Variants in ANKRD53 observed in about 807,000 individuals in gnomAD.
ANKRD53 encodes the protein ankyrin repeat domain 53.
Under a neutral mutation model 30.1 loss-of-function variants are expected in ANKRD53, and 27 were observed. The observed-to-expected ratio is 0.90, with a 90% CI of 0.66 to 1.24. The LOEUF (loss-of-function observed/expected upper bound fraction) is 1.24. ANKRD53 is among the 50% of genes most tolerant of loss of function. ANKRD53 has a pLI of 0.00. For synonymous variants in ANKRD53, 286 were observed against 295.4 expected (o/e 0.97, Z 0.33); for missense variants, 682 against 721.0 (o/e 0.95, Z 0.62).
chr2:70,980,477 G>C (rs1391984916), intron 3 of ANKRD53, among the ~76,000 whole-genome samples: 1 of 151,718 alleles, frequency 6.6e-6, no homozygotes, highest in Non-Finnish European at 1.5e-5. Flanking sequence ...ATTACCTAGG[G>C]AGCTTAAAAA....
Position 70,982,476 on chromosome 2 carries a change from C to A in ANKRD53, c.783-101C>A. The A allele has an allele frequency of 7.9e-6, 12 of 1,523,304 alleles. No homozygotes were observed. Among genetic ancestry groups the A allele is most frequent in the Non-Finnish European group, 1.1e-5 (12 of 1,119,660 alleles). The allele number at this position is 1,523,304 out of a possible 1,614,324, so 94.4% of individuals were successfully genotyped here. Reference sequence around the variant, plus strand: ...CTTGCTCCTCTCCCTCTGGCCACTCCCCTCATCCCCATCCAAGCCCTCAGC... The same window carrying A: ...CTTGCTCCTCTCCCTCTGGCCACTCACCTCATCCCCATCCAAGCCCTCAGC... On this transcript the variant is annotated intron_variant, in intron 4 of 5. Coordinates refer to ENST00000360589, the MANE Select transcript of ANKRD53 (RefSeq NM_001115116.2). The surrounding 1 kb of genome is among the most constrained non-coding windows in gnomAD (Gnocchi z 4.2).
At chr2:70,979,914 C>G in intron 3 of ANKRD53, 54 bp downstream of exon 3, 1 of 1,603,402 alleles carries the variant, frequency 6.2e-7, no homozygotes, top group South Asian at 1.1e-5. Context: ...CGGGCACAGC[C>G]CTACTTCCAG....
chr2:70,984,237 G>T, intron 5 of ANKRD53: 2 of 1,614,194 alleles, frequency 1.2e-6, no homozygotes, highest in Non-Finnish European at 8.5e-7. Context: ...GAGAAGAAGG[G>T]AATTGTCTTT....
upstream of ANKRD53, chr2:70,978,459 C>G (rs1553422725): frequency 1.7e-6 from 1 of 583,298 alleles, no homozygotes; most frequent in Admixed American, 4.3e-5. The surrounding 1 kb of genome is among the most constrained non-coding windows in gnomAD (Gnocchi z 4.3). Context: ...GGGTGGGGAG[C>G]GGCAGGCGGG....
rs112000035 is a variant in ANKRD53 at position 70,984,281 on chromosome 2, CTG to C, written c.904-326_904-325del. The C allele has an allele frequency of 1.0e-3, 1,636 of 1,614,120 alleles. 16 individuals carry two copies. The African/African-American group carries it at 0.02, about 19-fold the overall frequency. ...CTTGAGGTTTTCCCTAGGGCAGGGA[CTG>C]TGTCTCCCATGTCAAGTTGGAGTCT... On this transcript the variant is annotated intron_variant, in intron 5 of 5. Transcript: ENST00000360589.
At chr2:70,980,971 C>T (rs1006733099) in intron 3 of ANKRD53, among the ~76,000 whole-genome samples, 13 of 152,040 alleles carry the variant, frequency 8.6e-5, no homozygotes, top group Non-Finnish European at 1.5e-4. Flanking sequence ...AAAATATAAA[C>T]ACCTGTGTTC....
At position 70,985,444 on chromosome 2, in the gene ANKRD53, A is replaced by C; in HGVS notation, c.*144A>C. ...CGAGGAGTCACCCTTCCCAATCAAA[A>C]GCCCAGACCCCAGGCCTCCCTTTTC... On this transcript the variant is annotated 3_prime_UTR_variant, in exon 6 of 6. Transcript: ENST00000360589. 1 of 716,014 alleles carries C rather than the reference A, an allele frequency of 1.4e-6. No individual in the cohort carries two copies. The allele number at this position is 716,014 out of a possible 1,614,324, so 44.4% of individuals were successfully genotyped here. A position where few individuals can be genotyped will look rare whatever the true frequency, so the allele number is the denominator to read the frequency against.
chr2:70,979,365 C>A (rs1482801501), intron 2 of ANKRD53, 22 bp downstream of exon 2: 1 of 1,612,722 alleles, frequency 6.2e-7, no homozygotes, highest in Admixed American at 1.7e-5. Context: ...AGTGTTGGGG[C>A]AAAGACCGAG....
rs1320754344 is a variant in ANKRD53, at chr2:70,982,790, G to C, written c.903+93G>C. 6.6e-7 allele frequency: 1 copy of C among 1,507,210 alleles called. No individual in the cohort carries two copies. The highest frequency in any genetic ancestry group is 9.0e-7 in the Non-Finnish European group (1 of 1,116,010). 93.4% of individuals were successfully genotyped at this position (1,507,210 alleles called of 1,614,324 possible). On this transcript the variant is annotated intron_variant, in intron 5 of 5. Transcript: ENST00000360589. This position sits in a 1 kb window ranked among gnomAD's most constrained non-coding sequence, Gnocchi z 4.2. ...CCCACATATTGTGGAGGAGTGGCTA[G>C]AAGCACTCCCACCCTGAAAGAGCCA...
intron 5 of ANKRD53, chr2:70,984,209 AGACTGTG>A (rs1553424182): frequency 6.2e-7 from 1 of 1,614,188 alleles, no homozygotes; most frequent in Non-Finnish European, 8.5e-7. Flanking sequence ...CTCTACTATC[AGACTGTG>A]GATTCCTTTG....
chr2:70,979,409 C>T, intron 2 of ANKRD53, 66 bp downstream of exon 2: 1 of 1,599,794 alleles, frequency 6.3e-7, no homozygotes, highest in Non-Finnish European at 8.5e-7. Flanking sequence ...GGAGTGGTCA[C>T]CTGGAGAAGA....
upstream of ANKRD53, chr2:70,978,490 G>A (rs1338869900): frequency 2.3e-6 from 2 of 880,866 alleles, no homozygotes; most frequent in Non-Finnish European, 3.2e-6. The surrounding 1 kb of genome is among the most constrained non-coding windows in gnomAD (Gnocchi z 4.3). Flanking sequence ...GGAGGCCCCC[G>A]GGCTCTGCCC....
chr2:70,979,749 T>C lies in ANKRD53; in HGVS notation c.506T>C (p.Leu169Pro). 1 of 1,614,244 alleles carries C rather than the reference T, an allele frequency of 6.2e-7. No homozygotes were observed. ...LVEEYKFPVDLLTNNSQTPLH... is the reference protein window; with the variant it reads ...LVEEYKFPVDPLTNNSQTPLH... ...GAGGAGTACAAGTTTCCCGTGGACC[T>C]GCTGACCAACAATAGCCAGACACCC... The change falls in exon 3 of 6, where the codon CTG becomes CCG. Residue 169 changes from leucine to proline, a missense_variant. By Grantham distance (98) the Leu-to-Pro change is moderately conservative. Transcript: ENST00000360589.
chr2:70,984,861 T>C lies in ANKRD53; in HGVS notation c.1154T>C (p.Met385Thr), dbSNP rs782338868. Residue 385 changes from methionine (M) to threonine (T), a missense_variant, in exon 6 of 6, where the codon ATG becomes ACG. Transcript: ENST00000360589. ...YRKPTVKRPT[M>T]WNVSNNPARP... ...AAGCCCACGGTCAAGCGGCCCACAATGTGGAATGTTAGCAACAACCCCGCC... is the reference window on the plus strand; with the variant it reads ...AAGCCCACGGTCAAGCGGCCCACAACGTGGAATGTTAGCAACAACCCCGCC... 1.3e-6 allele frequency: 2 copies of C among 1,551,182 alleles called. No homozygotes were observed. Among genetic ancestry groups the C allele is most frequent in the African/African-American group, 1.4e-5 (1 of 72,992 alleles).
Position 70,979,431 on chromosome 2 carries a change from C to T in ANKRD53, c.417+88C>T, listed in dbSNP as rs1433533809. 14 of 1,566,300 alleles carry T rather than the reference C, an allele frequency of 8.9e-6. No homozygotes were observed. The East Asian group carries it at 3.0e-4, about 33-fold the overall frequency. ...TCACCTGGAGAAGAGATATCCTTTT[C>T]TGGGTAGATCTTCCTAATTTAACTC... On this transcript the variant is annotated intron_variant, in intron 2 of 5. Transcript: ENST00000360589.
chr2:70,982,787 C>T lies in ANKRD53; in HGVS notation c.903+90C>T. On this transcript the variant is annotated intron_variant, in intron 5 of 5. Coordinates refer to ENST00000360589, the MANE Select transcript of ANKRD53 (RefSeq NM_001115116.2). The surrounding 1 kb of genome is among the most constrained non-coding windows in gnomAD (Gnocchi z 4.2). ...TGACCCACATATTGTGGAGGAGTGG[C>T]TAGAAGCACTCCCACCCTGAAAGAG... The T allele has an allele frequency of 6.6e-7, 1 of 1,513,544 alleles. No individual in the cohort carries two copies. Among genetic ancestry groups the T allele is most frequent in the Non-Finnish European group, 8.9e-7 (1 of 1,119,864 alleles). 93.8% of individuals were successfully genotyped at this position (1,513,544 alleles called of 1,614,324 possible).
At chr2:70,980,421 C>T (rs1222841394) in intron 3 of ANKRD53, among the ~76,000 whole-genome samples, 2 of 152,132 alleles carry the variant, frequency 1.3e-5, no homozygotes, top group Non-Finnish European at 2.9e-5. Flanking sequence ...GTCACTCAAC[C>T]TCTATGCCCC....
chr2:70,980,318 C>CA (rs35991485), intron 3 of ANKRD53, among the ~76,000 whole-genome samples: 22,507 of 76,168 alleles, frequency 0.3, 2,140 homozygotes, highest in Middle Eastern at 0.34. Context: ...TCCGTCTCAA[C>CA]AAAAAAAAAA....
chr2:70,979,594 A>T (rs1014398456), intron 2 of ANKRD53, 67 bp from the exon 3 acceptor site: 1 of 1,503,438 alleles, frequency 6.7e-7, no homozygotes, highest in South Asian at 1.2e-5. Flanking sequence ...CAATAAATTT[A>T]TATAAATTGT....
Sources: gnomAD v4.1 joint callset for allele counts (sites outside exome capture counted in the v4.1 genomes callset) on GRCh38, gnomAD v4.1.1 for gene constraint, Gnocchi (gnomAD v3.1) non-coding constraint, MANE v1.5 for transcripts, NCBI Gene and HGNC (gene_info 2026-07-23, HGNC 2026-07-21) for gene names.